Variants in WNK1 observed in about 807,000 individuals in gnomAD.
WNK1 encodes serine/threonine-protein kinase WNK1.
In WNK1, 38 loss-of-function variants were observed where a neutral mutation model predicts 222.8. The ratio of observed to expected loss-of-function variants is 0.17; its 90% CI spans 0.13 to 0.22. WNK1 has a LOEUF of 0.22. WNK1 is among the 10% of genes least tolerant of loss of function. The pLI is 1.00. For synonymous variants in WNK1, 1,090 were observed against 1,092.9 expected (o/e 1.00, Z 0.05); for missense variants, 2,348 against 2,918.4 (o/e 0.80, Z 4.50).
At chr12:872,175 G>A (rs1565556326) in intron 9 of WNK1, among the ~76,000 whole-genome samples, 1 of 152,008 alleles carries the variant, frequency 6.6e-6, no homozygotes, top group Non-Finnish European at 1.5e-5. Context: ...GCCCAGGCTG[G>A]AGTGCAGTGG....
At position 813,492 on chromosome 12, in the gene WNK1, A is replaced by G. The variant is rs543126739; in HGVS notation, c.760-150A>G. On this transcript the variant is annotated intron_variant, in intron 1 of 27. Coordinates refer to ENST00000315939, the MANE Select transcript of WNK1 (RefSeq NM_018979.4). ...AAAATGATCTCAAGCATGAATGTAT[A>G]TAATCCAAATCTATCATTTATAACT... 4 of 779,968 alleles carry G rather than the reference A, an allele frequency of 5.1e-6. No homozygotes were observed. In the South Asian group the frequency reaches 5.2e-5, roughly 10 times the overall value. 48.3% of individuals were successfully genotyped at this position (779,968 alleles called of 1,614,324 possible).
rs560155694 is a variant in WNK1, at chr12:888,121, C to A, written c.5364+817C>A. Among the ~76,000 whole-genome samples, 126 of 152,276 alleles carry A rather than the reference C, an allele frequency of 8.3e-4. 1 individual carries two copies. Among genetic ancestry groups the A allele is most frequent in the Middle Eastern group, 6.8e-3 (2 of 294 alleles). On this transcript the variant is annotated intron_variant, in intron 20 of 27. Transcript: ENST00000315939. ...TGAGACAAGCCAGTAAACTTTTAAA[C>A]TAAATTAGGAATTTATTTTTGAATC...
intron 6 of WNK1, 58 bp from the exon 7 acceptor site, chr12:860,954 GT>G: frequency 6.7e-7 from 1 of 1,495,502 alleles, no homozygotes. Flanking sequence ...GGGGGTGGTG[GT>G]GGGGGGTGTT....
At chr12:833,796 A>G (rs146872056) in intron 4 of WNK1, among the ~76,000 whole-genome samples, 2,679 of 152,268 alleles carry the variant, frequency 0.018, 41 homozygotes, top group Non-Finnish European at 0.028. Flanking sequence ...CTGTAGCACT[A>G]TCCTAAATAC....
In WNK1 at chr12:884,738, C is replaced by T. The variant is rs759875909; in HGVS notation, c.3934C>T (p.Arg1312Cys). 3.8e-5 allele frequency: 61 copies of T among 1,614,134 alleles called. No homozygotes were observed. The highest frequency in any genetic ancestry group is 3.3e-4 in the Middle Eastern group (2 of 6,062). Residue 1312 changes from arginine (R) to cysteine (C), a missense_variant, in exon 19 of 28, where the codon CGT (arginine) becomes TGT (cysteine). By Grantham distance (180) the Arg-to-Cys change is radical. This residue lies in a region of WNK1 where 1,144 missense variants were observed against 1,273.6 expected (regional missense o/e 0.90). Coordinates refer to ENST00000315939, the MANE Select transcript of WNK1 (RefSeq NM_018979.4). The surrounding 1 kb of genome is among the most constrained non-coding windows in gnomAD (Gnocchi z 5.6). ...SLQQAFSELR[R>C]AQMTEGPNTA... Reference sequence around the variant, plus strand: ...ACAACAGGCCTTTTCTGAACTTAGACGTGCCCAAATGACAGAAGGACCCAA... The same window carrying T: ...ACAACAGGCCTTTTCTGAACTTAGATGTGCCCAAATGACAGAAGGACCCAA...
chr12:823,871 A>C (rs6489750), intron 2 of WNK1, among the ~76,000 whole-genome samples: 124,021 of 150,410 alleles, frequency 0.82, 51,213 homozygotes, highest in East Asian at 0.96. Flanking sequence ...CAATGGAAGA[A>C]CCTGAAGTGC....
At chr12:809,825 G>A (rs115751551) in intron 1 of WNK1, among the ~76,000 whole-genome samples, 1,546 of 152,108 alleles carry the variant, frequency 0.01, 29 homozygotes, top group African/African-American at 0.035. Flanking sequence ...TTAAAAAATT[G>A]TTTTCTCTGT....
At chr12:907,817 T>G (rs775416169) in intron 26 of WNK1, 30 bp from the exon 27 acceptor site, 1 of 1,612,306 alleles carries the variant, frequency 6.2e-7, no homozygotes, top group Non-Finnish European at 8.5e-7. Context: ...TAGGCTTCTT[T>G]TAATGCTCGT....
intron 1 of WNK1, among the ~76,000 whole-genome samples, chr12:796,041 T>A (rs1480107344): frequency 6.6e-6 from 1 of 152,034 alleles, no homozygotes; most frequent in African/African-American, 2.4e-5. Flanking sequence ...CCCAGCTAAT[T>A]TTTGTATGCG....
chr12:887,805 G>A (rs573732240), intron 20 of WNK1, among the ~76,000 whole-genome samples: 2 of 152,042 alleles, frequency 1.3e-5, no homozygotes, highest in African/African-American at 4.8e-5. Flanking sequence ...TAGGTATAGG[G>A]GTGATGTTTC....
chr12:784,266 G>T, intron 1 of WNK1, among the ~76,000 whole-genome samples: 1 of 152,242 alleles, frequency 6.6e-6, no homozygotes, highest in African/African-American at 2.4e-5. Flanking sequence ...CAACCCAGAT[G>T]TGTGAATCTT....
chr12:821,510 C>T (rs1947877275), intron 2 of WNK1, among the ~76,000 whole-genome samples: 1 of 152,138 alleles, frequency 6.6e-6, no homozygotes, highest in Non-Finnish European at 1.5e-5. Flanking sequence ...AATATATATT[C>T]ACTTGTTGTT....
chr12:793,900 A>G (rs1013549938), intron 1 of WNK1, among the ~76,000 whole-genome samples: 4 of 152,128 alleles, frequency 2.6e-5, no homozygotes, highest in African/African-American at 9.7e-5. Context: ...CTTCCTCCAA[A>G]AAAAAAGAAA....
chr12:808,126 C>T (rs1946553821), intron 1 of WNK1, among the ~76,000 whole-genome samples: 1 of 148,048 alleles, frequency 6.8e-6, no homozygotes, highest in African/African-American at 2.4e-5. Flanking sequence ...AAGACCTCAC[C>T]TATAGTAGTT....
intron 14 of WNK1, among the ~76,000 whole-genome samples, chr12:882,399 A>G (rs1164175580): frequency 1.3e-5 from 2 of 152,152 alleles, no homozygotes; most frequent in Admixed American, 1.3e-4. Flanking sequence ...GGGTTTCACC[A>G]TATTGGTCAG....
intron 1 of WNK1, among the ~76,000 whole-genome samples, chr12:767,533 G>A (rs1941919478): frequency 6.6e-6 from 1 of 152,066 alleles, no homozygotes; most frequent in African/African-American, 2.4e-5. Flanking sequence ...TAACAGGCAT[G>A]ACCCACCACG....
intron 21 of WNK1, 39 bp from the exon 22 acceptor site, chr12:890,414 G>C: frequency 1.2e-6 from 2 of 1,613,794 alleles, no homozygotes; most frequent in South Asian, 1.1e-5. Flanking sequence ...AGTGACTGAA[G>C]CTAAAGATTT....
At chr12:830,569 T>G (rs1948715360) in intron 4 of WNK1, among the ~76,000 whole-genome samples, 1 of 152,222 alleles carries the variant, frequency 6.6e-6, no homozygotes, top group African/African-American at 2.4e-5. Flanking sequence ...TTGAGTTGAT[T>G]TATTAAATCT....
At chr12:803,241 G>A (rs1946050523) in intron 1 of WNK1, among the ~76,000 whole-genome samples, 1 of 152,146 alleles carries the variant, frequency 6.6e-6, no homozygotes, top group South Asian at 2.1e-4. Flanking sequence ...GGCCTTCTTT[G>A]TTGGGGTACA....
Sources: gnomAD v4.1 joint callset for allele counts (sites outside exome capture counted in the v4.1 genomes callset) on GRCh38, gnomAD v4.1.1 for gene constraint, gnomAD v4.1.1 regional missense constraint, Gnocchi (gnomAD v3.1) non-coding constraint, MANE v1.5 for transcripts, NCBI Gene and HGNC (gene_info 2026-07-23, HGNC 2026-07-21) for gene names.